Variants in PNPLA7 observed in about 807,000 individuals in gnomAD.
PNPLA7 encodes the protein patatin-like phospholipase domain-containing protein 7.
PNPLA7 carries 153 observed loss-of-function variants against 161.7 expected under a neutral mutation model. The observed-to-expected ratio is 0.95, with a 90% CI of 0.83 to 1.08. The LOEUF is 1.08. Among genes scored for constraint, PNPLA7 ranks in the 50% least tolerant of loss-of-function variants. The pLI is 0.00. For synonymous variants in PNPLA7, 809 were observed against 782.1 expected (o/e 1.03, Z -0.57); for missense variants, 1,739 against 1,856.6 (o/e 0.94, Z 1.16).
chr9:137,491,316 C>T (rs898413123), intron 20 of PNPLA7, among the ~76,000 whole-genome samples: 1 of 151,946 alleles, frequency 6.6e-6, no homozygotes. Context: ...CAGTGGGGGG[C>T]GTGAGAACAG....
intron 8 of PNPLA7, among the ~76,000 whole-genome samples, chr9:137,533,697 G>A (rs1287407257): frequency 6.7e-6 from 1 of 148,218 alleles, no homozygotes; most frequent in Non-Finnish European, 1.5e-5. Flanking sequence ...CTCCAGATGG[G>A]AGCACTCCCA....
At chr9:137,536,084 C>T (rs1183946101) in intron 8 of PNPLA7, among the ~76,000 whole-genome samples, 16 of 150,190 alleles carry the variant, frequency 1.1e-4, no homozygotes, top group Non-Finnish European at 1.8e-4. Context: ...ACCCAGGAGG[C>T]GGAGCTTGCA....
At position 137,537,467 on chromosome 9, in the gene PNPLA7, G is replaced by A. The variant is rs989719089; in HGVS notation, c.747+3175C>T. On this transcript the variant is annotated intron_variant, in intron 8 of 34. Transcript: ENST00000406427. The surrounding 1 kb of genome is among the most constrained non-coding windows in gnomAD (Gnocchi z 4.5). The stretch of plus-strand genomic sequence containing the variant: ...CGAGTAGCTGGGATAACAGGCACCC[G>A]CCACCACACCCAGCTAATTTTTGTA... Among the ~76,000 whole-genome samples the A allele has an allele frequency of 4.6e-5, 7 of 152,154 alleles. No individual in the cohort carries two copies. The highest frequency in any genetic ancestry group is 1.9e-4 in the East Asian group (1 of 5,178).
Position 137,467,494 on chromosome 9 carries a change from G to C in PNPLA7, c.2883-21C>G. 2 of 1,611,274 alleles carry C rather than the reference G, an allele frequency of 1.2e-6. No homozygotes were observed. The highest frequency in any genetic ancestry group is 1.7e-6 in the Non-Finnish European group (2 of 1,179,256). ...AGCCTCTACACCAGCCAGGGACACA[G>C]AGCAAGGAGTGAGTACCAGGCCCAG... On this transcript the variant is annotated intron_variant, in intron 25 of 34. Coordinates refer to ENST00000406427, the MANE Select transcript of PNPLA7 (RefSeq NM_001098537.3). This position sits in a 1 kb window ranked among gnomAD's most constrained non-coding sequence, Gnocchi z 5.1.
At chr9:137,465,870 A>C (rs1831438326) in intron 26 of PNPLA7, among the ~76,000 whole-genome samples, 2 of 152,144 alleles carry the variant, frequency 1.3e-5, no homozygotes. Flanking sequence ...GACGGTGGCC[A>C]CGTCTGCTGG....
rs872341 is a variant in PNPLA7, at chr9:137,479,337, C to T, written c.2581-99G>A. 8.0e-3 allele frequency: 10,982 copies of T among 1,366,408 alleles called. 47 individuals are homozygous for T. The highest frequency in any genetic ancestry group is 9.5e-3 in the Non-Finnish European group (10,003 of 1,058,258). The allele number at this position is 1,366,408 out of a possible 1,614,324, so 84.6% of individuals were successfully genotyped here. A position where few individuals can be genotyped will look rare whatever the true frequency, so the allele number is the denominator to read the frequency against. ...CACAGAGGGTCTGAGGGCAGGACCC[C>T]GGGAGCAGCTCCTGGGTTCTGCAAA... On this transcript the variant is annotated intron_variant, in intron 23 of 34. Transcript: ENST00000406427.
chr9:137,462,467 G>C, intron 30 of PNPLA7, 136 bp from the exon 31 acceptor site: 1 of 1,431,864 alleles, frequency 7.0e-7, no homozygotes, highest in Non-Finnish European at 9.2e-7. Flanking sequence ...AGCAGCACCC[G>C]GCCGGGGGTC....
In PNPLA7 at chr9:137,540,172, C is replaced by T. The variant is rs118150088; in HGVS notation, c.747+470G>A. Among the ~76,000 whole-genome samples the T allele has an allele frequency of 4.1e-4, 63 of 152,258 alleles. No individual in the cohort carries two copies. The East Asian group carries it at 0.012, about 28-fold the overall frequency. ...TATCCTGCAGATCAGGCTCTGGTAT[C>T]GGAAACGATGGACACAGGAAACCAT... On this transcript the variant is annotated intron_variant, in intron 8 of 34. Coordinates refer to ENST00000406427, the MANE Select transcript of PNPLA7 (RefSeq NM_001098537.3). This position sits in a 1 kb window ranked among gnomAD's most constrained non-coding sequence, Gnocchi z 5.1.
At chr9:137,508,246 T>C (rs1019106571) in intron 12 of PNPLA7, among the ~76,000 whole-genome samples, 1 of 150,792 alleles carries the variant, frequency 6.6e-6, no homozygotes, top group African/African-American at 2.4e-5. Context: ...AAAGAAAAAG[T>C]GGTGGATCAA....
intron 12 of PNPLA7, among the ~76,000 whole-genome samples, chr9:137,514,657 T>A (rs1834426167): frequency 7.1e-6 from 1 of 140,200 alleles, no homozygotes; most frequent in Admixed American, 7.0e-5. Flanking sequence ...GATGTTGAGG[T>A]GCCTGGGCCC....
intron 30 of PNPLA7, 73 bp from the exon 31 acceptor site, chr9:137,462,404 AC>A: frequency 4.6e-6 from 7 of 1,525,868 alleles, no homozygotes; most frequent in Non-Finnish European, 6.2e-6. Context: ...GTGGCGCAGG[AC>A]AGGTTCTGGG....
chr9:137,480,125 C>T (rs910985264), intron 23 of PNPLA7, among the ~76,000 whole-genome samples, 187 bp downstream of exon 23: 9 of 152,234 alleles, frequency 5.9e-5, no homozygotes, highest in Admixed American at 1.3e-4. Context: ...TGCCCTGCTC[C>T]GTGCTAGAAC....
Position 137,497,183 on chromosome 9 carries a change from C to G in PNPLA7, c.2013+4G>C, listed in dbSNP as rs1402594601. ...GGGAGGCAGGAGCAGGGCCCAGCAC[C>G]TACCACGCCGACGAGGTCTCCTCGG... On this transcript the variant is annotated splice_donor_region_variant and intron_variant, in intron 18 of 34. Transcript: ENST00000406427. 1 of 1,571,538 alleles carries G rather than the reference C, an allele frequency of 6.4e-7. No individual in the cohort carries two copies. The highest frequency in any genetic ancestry group is 8.6e-7 in the Non-Finnish European group (1 of 1,160,294).
rs780078323 is a variant in PNPLA7 at position 137,498,162 on chromosome 9, T to C, written c.1841A>G (p.Asp614Gly). The C allele has an allele frequency of 1.9e-5, 31 of 1,612,870 alleles. No homozygotes were observed. Among genetic ancestry groups the C allele is most frequent in the African/African-American group, 2.7e-5 (2 of 74,924 alleles). ...CACCTCCACCCAGTCCAGGGCAAAG[T>C]CGATTTGCCGCACGAAGGACGACAT... is the stretch of plus-strand genomic sequence containing the variant. The part of the protein sequence containing the change: ...KRMSSFVRQI[D>G]FALDWVEVEA... Residue 614 changes from aspartate to glycine, a missense_variant, in exon 17 of 35, where the codon GAC (aspartate) becomes GGC (glycine). Asp to Gly is a moderately conservative substitution (Grantham distance 94, BLOSUM62 -1). Coordinates refer to ENST00000406427, the MANE Select transcript of PNPLA7 (RefSeq NM_001098537.3).
chr9:137,503,013 G>A (rs1035259483), intron 14 of PNPLA7, among the ~76,000 whole-genome samples: 3 of 151,814 alleles, frequency 2.0e-5, no homozygotes, highest in African/African-American at 7.3e-5. Context: ...AGGGATGCTA[G>A]GTACTCACCT....
intron 12 of PNPLA7, chr9:137,509,516 T>C (rs1834101074): frequency 7.8e-6 from 2 of 256,480 alleles, no homozygotes; most frequent in Admixed American, 9.3e-5. Flanking sequence ...TGAGTTTAGC[T>C]GGCATGAGTG....
chr9:137,465,696 C>A (rs1831430338), intron 26 of PNPLA7, among the ~76,000 whole-genome samples: 1 of 152,200 alleles, frequency 6.6e-6, no homozygotes, highest in Non-Finnish European at 1.5e-5. Context: ...CAGCCCCGGG[C>A]CACGTGAATG....
In PNPLA7 at chr9:137,520,183, T is replaced by C. The variant is rs534711174; in HGVS notation, c.958-140A>G. The C allele has an allele frequency of 2.6e-5, 33 of 1,269,812 alleles. No homozygotes were observed. Among genetic ancestry groups the C allele is most frequent in the African/African-American group, 1.9e-4 (13 of 66,940 alleles). The allele number at this position is 1,269,812 out of a possible 1,614,324, so 78.7% of individuals were successfully genotyped here. On this transcript the variant is annotated intron_variant, in intron 10 of 34. Transcript: ENST00000406427. This position sits in a 1 kb window ranked among gnomAD's most constrained non-coding sequence, Gnocchi z 5.2. ...GGGCCCCTCAAAGGTGTGACAGGTG[T>C]GGGACTCTCAAAGGTGTGACAGGTG... is the stretch of plus-strand genomic sequence containing the variant.
intron 20 of PNPLA7, among the ~76,000 whole-genome samples, chr9:137,487,050 C>G (rs148380484): frequency 3.3e-5 from 5 of 151,432 alleles, no homozygotes; most frequent in Non-Finnish European, 7.4e-5. Flanking sequence ...TCGACTGCAG[C>G]TCTAGGAGAA....
Sources: gnomAD v4.1 joint callset for allele counts (sites outside exome capture counted in the v4.1 genomes callset) on GRCh38, gnomAD v4.1.1 for gene constraint, Gnocchi (gnomAD v3.1) non-coding constraint, MANE v1.5 for transcripts, NCBI Gene and HGNC (gene_info 2026-07-23, HGNC 2026-07-21) for gene names.